ROR2: variants seen among roughly 807,000 people sequenced by gnomAD.
ROR2 encodes the protein tyrosine-protein kinase transmembrane receptor ROR2.
In ROR2, 33 loss-of-function variants were observed where a neutral mutation model predicts 74.9. That is an observed-to-expected ratio of 0.44 (90% CI 0.33 to 0.59). The LOEUF (loss-of-function observed/expected upper bound fraction) is 0.59. Ranked by LOEUF, ROR2 falls within the 20% of genes least tolerant of loss-of-function variation. The pLI is 0.02. For synonymous variants in ROR2, 586 were observed against 558.7 expected, an observed-to-expected ratio of 1.05 and a Z score of -0.69; for missense variants, 1,216 against 1,313.8, an observed-to-expected ratio of 0.93 and a Z score of 1.15.
chr9:91,765,272 A>G (rs930003313), intron 2 of ROR2, among the ~76,000 whole-genome samples: 1 of 152,064 alleles, frequency 6.6e-6, no homozygotes, highest in Non-Finnish European at 1.5e-5. Context: ...TTCATGGACT[A>G]TATCTTTCTT....
At chr9:91,890,736 C>T (rs1830402125) in intron 1 of ROR2, among the ~76,000 whole-genome samples, 2 of 152,222 alleles carry the variant, frequency 1.3e-5, no homozygotes, top group Non-Finnish European at 2.9e-5. Flanking sequence ...ACCAGAGCAG[C>T]ACTGGACAGT....
intron 1 of ROR2, among the ~76,000 whole-genome samples, chr9:91,883,550 C>T (rs1830180275): frequency 6.6e-6 from 1 of 152,176 alleles, no homozygotes; most frequent in South Asian, 2.1e-4. Flanking sequence ...AATCATATTT[C>T]CAGTGCTCAA....
chr9:91,940,594 CTTT>C (rs570738211), intron 1 of ROR2, among the ~76,000 whole-genome samples: 4 of 142,664 alleles, frequency 2.8e-5, no homozygotes, highest in African/African-American at 1.0e-4. Context: ...ACGTGCAATT[CTTT>C]TTTTTTTTTT....
chr9:91,871,071 A>G (rs1829781799), intron 1 of ROR2, among the ~76,000 whole-genome samples: 1 of 152,240 alleles, frequency 6.6e-6, no homozygotes. Flanking sequence ...TCTCCTGACC[A>G]AAGAAACCCT....
intron 1 of ROR2, among the ~76,000 whole-genome samples, chr9:91,906,924 G>A (rs576720831): frequency 7.2e-4 from 109 of 152,106 alleles, no homozygotes; most frequent in African/African-American, 2.4e-3. Flanking sequence ...TGCCATCTTC[G>A]CCACTTTTAA....
chr9:91,856,459 A>G (rs920406320), intron 1 of ROR2, among the ~76,000 whole-genome samples: 1 of 152,228 alleles, frequency 6.6e-6, no homozygotes, highest in African/African-American at 2.4e-5. Context: ...GCATTTGGAG[A>G]CAGACTTTTA....
intron 1 of ROR2, among the ~76,000 whole-genome samples, chr9:91,891,183 A>G (rs1272955742): frequency 6.6e-6 from 1 of 152,226 alleles, no homozygotes; most frequent in African/African-American, 2.4e-5. Context: ...CAGAAGTCTA[A>G]GAAGAGCATG....
In ROR2 at chr9:91,745,426, ATT is replaced by A. The variant is rs72432798; in HGVS notation, c.495-7910_495-7909del. On this transcript the variant is annotated intron_variant, in intron 4 of 8. Transcript: ENST00000375708. Reference sequence around the variant, plus strand: ...AGGCATGAGCCACCATGCCCAGCCTATTTTTTTTTTTTTTTTTTTTTGAGATG... The same window carrying A: ...AGGCATGAGCCACCATGCCCAGCCTATTTTTTTTTTTTTTTTTTTGAGATG... Among the ~76,000 whole-genome samples, 6 of 99,758 alleles carry A rather than the reference ATT, an allele frequency of 6.0e-5. No homozygotes were observed. In the East Asian group the frequency reaches 1.5e-3, roughly 25 times the overall value. The allele number at this position is 99,758 out of a possible 152,430, so 65.4% of individuals were successfully genotyped here.
intron 1 of ROR2, among the ~76,000 whole-genome samples, chr9:91,885,732 A>AT (rs1158395321): frequency 1.8e-4 from 28 of 152,240 alleles, no homozygotes; most frequent in African/African-American, 4.8e-4. Context: ...AAATCAACGA[A>AT]TCAAAATACC....
chr9:91,945,069 G>C lies in ROR2; in HGVS notation c.97+4798C>G, dbSNP rs369299894. ...CACTCCAGCCTGGGTGACAGAGCAA[G>C]ACCTTAACTCAAAAAAAAAAAAAAA... On this transcript the variant is annotated intron_variant, in intron 1 of 8. Transcript: ENST00000375708. Among the ~76,000 whole-genome samples, 18 of 148,126 alleles carry C rather than the reference G, an allele frequency of 1.2e-4. 1 individual carries two copies. The highest frequency in any genetic ancestry group is 7.9e-4 in the East Asian group (4 of 5,078).
intron 1 of ROR2, among the ~76,000 whole-genome samples, chr9:91,800,478 C>T (rs1827339219): frequency 6.6e-6 from 1 of 152,060 alleles, no homozygotes; most frequent in Admixed American, 6.5e-5. Context: ...TGGAGAGAGA[C>T]CTGAGATGTC....
chr9:91,949,572 TC>T (rs1413215184), intron 1 of ROR2, among the ~76,000 whole-genome samples: 2 of 150,930 alleles, frequency 1.3e-5, no homozygotes, highest in Non-Finnish European at 3.0e-5. Context: ...ACACTCGCAC[TC>T]CCACTCGCGA....
intron 1 of ROR2, among the ~76,000 whole-genome samples, chr9:91,817,666 T>A (rs914846242): frequency 6.6e-6 from 1 of 152,158 alleles, no homozygotes; most frequent in African/African-American, 2.4e-5. Context: ...CAGGCACCCG[T>A]CGGGGCCTCC....
intron 1 of ROR2, among the ~76,000 whole-genome samples, chr9:91,929,936 A>C (rs1285661710): frequency 2.0e-5 from 3 of 152,096 alleles, no homozygotes; most frequent in African/African-American, 7.2e-5. Context: ...AAGGCCAAGA[A>C]AATGTGCTGT....
chr9:91,883,904 A>G (rs1390971126), intron 1 of ROR2, among the ~76,000 whole-genome samples: 1 of 151,972 alleles, frequency 6.6e-6, no homozygotes, highest in Non-Finnish European at 1.5e-5. Flanking sequence ...CAGGGCCCCT[A>G]TCTAGCATGA....
At chr9:91,937,443 G>A (rs1831730740) in intron 1 of ROR2, among the ~76,000 whole-genome samples, 1 of 151,944 alleles carries the variant, frequency 6.6e-6, no homozygotes, top group African/African-American at 2.4e-5. Context: ...CAGACCCAGA[G>A]ATCCAGACGC....
At chr9:91,914,671 C>T (rs1206052230) in intron 1 of ROR2, among the ~76,000 whole-genome samples, 4 of 152,186 alleles carry the variant, frequency 2.6e-5, no homozygotes, top group African/African-American at 9.7e-5. Context: ...AGCCCCGCCC[C>T]CCTTACATCT....
intron 1 of ROR2, among the ~76,000 whole-genome samples, chr9:91,821,099 T>A (rs1254877384): frequency 1.0e-4 from 11 of 105,316 alleles, no homozygotes; most frequent in African/African-American, 2.6e-4. Flanking sequence ...AGACTTCGTC[T>A]CAAAAAAAAA....
intron 1 of ROR2, among the ~76,000 whole-genome samples, chr9:91,919,763 G>A (rs1587847120): frequency 1.3e-5 from 2 of 152,120 alleles, no homozygotes; most frequent in East Asian, 3.9e-4. Flanking sequence ...GGAGTGGGGA[G>A]GGTTTCACCC....
Sources: allele counts gnomAD v4.1 joint callset (sites outside exome capture counted in the v4.1 genomes callset), GRCh38; gene constraint gnomAD v4.1.1; transcripts MANE v1.5; gene names NCBI Gene and HGNC (gene_info 2026-07-23, HGNC 2026-07-21).